The following GLRA2 variants were observed in gnomAD, a reference collection of about 807,000 sequenced individuals.
GLRA2 encodes glycine receptor alpha 2, also known as glycine receptor subunit alpha-2.
In GLRA2, 11 loss-of-function variants were observed where a neutral mutation model predicts 31.6. The ratio of observed to expected loss-of-function variants is 0.35; its 90% confidence interval spans 0.22 to 0.58. The LOEUF (loss-of-function observed/expected upper bound fraction) is 0.58, where lower values mean the gene tolerates loss of function less well. Ranked by LOEUF, GLRA2 falls within the 20% of genes least tolerant of loss-of-function variation. The pLI, the probability that GLRA2 is intolerant of heterozygous loss-of-function variation, is 0.84. For missense variants in GLRA2, 212 were observed against 351.8 expected (o/e 0.60, Z 3.18); for synonymous variants, 132 against 134.0 (o/e 0.99, Z 0.10).
At chrX:14,656,148 G>C (rs749131842) in intron 7 of GLRA2, among the ~76,000 whole-genome samples, 4 of 111,784 alleles carry the variant, frequency 3.6e-5, no homozygotes, top group African/African-American at 1.3e-4. Context: ...GAAGCTGGTT[G>C]TACAGTAGTC....
intron 8 of GLRA2, among the ~76,000 whole-genome samples, chrX:14,715,579 G>C (rs1654616397): frequency 9.0e-6 from 1 of 111,664 alleles, no homozygotes; most frequent in Admixed American, 9.6e-5. Context: ...TGTACTACAG[G>C]AGGTAAGGAG....
At chrX:14,552,330 G>C (rs1230738101) in intron 2 of GLRA2, among the ~76,000 whole-genome samples, 2 of 112,344 alleles carry the variant, frequency 1.8e-5, no homozygotes. Flanking sequence ...TTGGAGTATG[G>C]GTGGGGTATG....
At chrX:14,652,761 C>T (rs780378985) in intron 7 of GLRA2, among the ~76,000 whole-genome samples, 1 of 111,350 alleles carries the variant, frequency 9.0e-6, no homozygotes, top group South Asian at 3.8e-4. Flanking sequence ...CTTCCCTATA[C>T]CCTGAGACAC....
chrX:14,598,594 G>A (rs753556252), intron 4 of GLRA2, among the ~76,000 whole-genome samples: 1 of 112,199 alleles, frequency 8.9e-6, no homozygotes, highest in East Asian at 2.8e-4. Context: ...GTGAGAATCT[G>A]CCAGCAACTT....
intron 3 of GLRA2, among the ~76,000 whole-genome samples, chrX:14,580,179 C>T (rs1489514820): frequency 9.9e-5 from 11 of 111,470 alleles, no homozygotes; most frequent in Non-Finnish European, 1.9e-4. Flanking sequence ...ATTAGAGTAA[C>T]GTAAACAATG....
chrX:14,561,773 A>G (rs913745276), intron 2 of GLRA2, among the ~76,000 whole-genome samples: 2 of 112,175 alleles, frequency 1.8e-5, no homozygotes, highest in African/African-American at 6.5e-5. Context: ...TTCCTCTTCT[A>G]TTGCCTCTCT....
intron 1 of GLRA2, chrX:14,530,867 T>C (rs976497242): frequency 3.9e-6 from 2 of 516,426 alleles, no homozygotes; most frequent in African/African-American, 5.1e-5. Flanking sequence ...AATAGTCATC[T>C]AATAACAGAG....
rs374073204 is a variant in GLRA2 at position 14,581,169 on chromosome X, C to T, written c.271-14C>T. The T allele has an allele frequency of 2.2e-5, 22 of 1,015,564 alleles. No individual in the cohort carries two copies. Among genetic ancestry groups the T allele is most frequent in the Non-Finnish European group, 2.5e-5 (18 of 718,111 alleles). 83.7% of individuals were successfully genotyped at this position (1,015,564 alleles called of 1,213,427 possible). A position where few individuals can be genotyped will look rare whatever the true frequency, so the allele number is the denominator to read the frequency against. ...CAGGGTAATCAGTAACACTTGTCCA[C>T]GGCATTTCTGTAGGACTACCGAGTG... On this transcript the variant is annotated splice_polypyrimidine_tract_variant and intron_variant, in intron 3 of 8. Coordinates refer to ENST00000218075, the MANE Select transcript of GLRA2 (RefSeq NM_002063.4).
the GLRA2 span, among the ~76,000 whole-genome samples, chrX:14,449,409 C>T: frequency 8.9e-6 from 1 of 112,644 alleles, no homozygotes; most frequent in African/African-American, 3.2e-5. Context: ...AGAGCTTAAA[C>T]CTGTGTGGAG....
At chrX:14,603,988 G>A (rs1569507438) in intron 4 of GLRA2, among the ~76,000 whole-genome samples, 2 of 110,859 alleles carry the variant, frequency 1.8e-5, no homozygotes, top group African/African-American at 3.3e-5. Flanking sequence ...AGAGCCTATT[G>A]TTTTTGTTAT....
At chrX:14,705,093 TAAATG>T (rs1177853963) in intron 8 of GLRA2, among the ~76,000 whole-genome samples, 1 of 112,366 alleles carries the variant, frequency 8.9e-6, no homozygotes, top group Non-Finnish European at 1.9e-5. Context: ...TTATTGTCAG[TAAATG>T]AAACAGAGAT....
chrX:14,511,054 A>G, the GLRA2 span, among the ~76,000 whole-genome samples: 5 of 111,525 alleles, frequency 4.5e-5, no homozygotes, highest in Admixed American at 9.6e-5. Flanking sequence ...CATTAGGTAT[A>G]TCTCCCAATG....
At chrX:14,550,441 C>G (rs1409672040) in intron 2 of GLRA2, among the ~76,000 whole-genome samples, 2 of 109,806 alleles carry the variant, frequency 1.8e-5, no homozygotes, top group African/African-American at 3.3e-5. Context: ...AATACCATTT[C>G]CTTACTCTGA....
intron 4 of GLRA2, among the ~76,000 whole-genome samples, chrX:14,602,260 A>C (rs1306964236): frequency 9.0e-6 from 1 of 111,536 alleles, no homozygotes; most frequent in East Asian, 2.8e-4. Flanking sequence ...GATCAGCCAG[A>C]GCTGACTGGA....
At chrX:14,468,992 G>A in the GLRA2 span, among the ~76,000 whole-genome samples, 6 of 110,530 alleles carry the variant, frequency 5.4e-5, no homozygotes, top group East Asian at 1.4e-3. Context: ...CATGTCCTTC[G>A]CCCACTTTTT....
intron 2 of GLRA2, among the ~76,000 whole-genome samples, chrX:14,569,939 A>G (rs767453433): frequency 1.8e-5 from 2 of 112,614 alleles, no homozygotes; most frequent in South Asian, 7.3e-4. Flanking sequence ...AAATTCTGAT[A>G]CATGCTACAA....
chrX:14,690,868 G>T lies in GLRA2; in HGVS notation c.1080+9G>T. 1 of 1,208,037 alleles carries T rather than the reference G, an allele frequency of 8.3e-7. No individual in the cohort carries two copies. The highest frequency in any genetic ancestry group is 1.1e-6 in the Non-Finnish European group (1 of 892,575). On this transcript the variant is annotated intron_variant, in intron 8 of 8. Transcript: ENST00000218075. ...AGAAGAGGCAGAATAAGGTATGATTGCCCCTCAGTTCAGACAATGTAGAGC... is the reference window on the plus strand; with the variant it reads ...AGAAGAGGCAGAATAAGGTATGATTTCCCCTCAGTTCAGACAATGTAGAGC...
At chrX:14,495,701 A>C in the GLRA2 span, among the ~76,000 whole-genome samples, 1 of 109,713 alleles carries the variant, frequency 9.1e-6, no homozygotes, top group Non-Finnish European at 1.9e-5. Flanking sequence ...TTACATATAT[A>C]TATATCCTTA....
chrX:14,711,966 G>A (rs1005830331), intron 8 of GLRA2, among the ~76,000 whole-genome samples: 3 of 112,468 alleles, frequency 2.7e-5, no homozygotes, highest in African/African-American at 6.5e-5. Context: ...CAAATCTTCC[G>A]CGATTAAGAT....
Sources: gnomAD v4.1 joint callset for allele counts (sites outside exome capture counted in the v4.1 genomes callset) on GRCh38, gnomAD v4.1.1 for gene constraint, MANE v1.5 for transcripts, NCBI Gene and HGNC (gene_info 2026-07-23, HGNC 2026-07-21) for gene names.